SORCS1: variants seen among roughly 807,000 people sequenced by gnomAD.
SORCS1 encodes VPS10 domain-containing receptor SorCS1.
Under a neutral mutation model 146.1 loss-of-function variants are expected in SORCS1, and 60 were observed. That is an observed-to-expected ratio of 0.41 (90% CI 0.33 to 0.51). The LOEUF is 0.51. Among genes scored for constraint, SORCS1 ranks in the 20% least tolerant of loss-of-function variants. The pLI is 0.21. For synonymous variants in SORCS1, 637 were observed against 584.0 expected, an observed-to-expected ratio of 1.09 and a Z score of -1.31; for missense variants, 1,352 against 1,487.6, an observed-to-expected ratio of 0.91 and a Z score of 1.50.
chr10:107,065,444 TTTC>T (rs1208166653), intron 1 of SORCS1, among the ~76,000 whole-genome samples: 3 of 144,090 alleles, frequency 2.1e-5, no homozygotes, highest in African/African-American at 5.1e-5. Flanking sequence ...TCTTTCTTTC[TTTC>T]TTTTCTCTCT....
intron 1 of SORCS1, among the ~76,000 whole-genome samples, chr10:106,976,785 C>T (rs1473190672): frequency 6.6e-6 from 1 of 152,152 alleles, no homozygotes; most frequent in East Asian, 1.9e-4. Flanking sequence ...TGAGTGAGAA[C>T]ATGTGGTGTT....
intron 2 of SORCS1, among the ~76,000 whole-genome samples, chr10:106,943,816 T>G (rs1954175030): frequency 6.6e-6 from 1 of 151,788 alleles, no homozygotes; most frequent in Admixed American, 6.6e-5. Flanking sequence ...TCTCAAAAAA[T>G]TAATTAATTA....
At chr10:106,654,265 T>A (rs1402594670) in intron 17 of SORCS1, among the ~76,000 whole-genome samples, 3 of 152,220 alleles carry the variant, frequency 2.0e-5, no homozygotes, top group Non-Finnish European at 2.9e-5. Context: ...TTCAGAAGTA[T>A]CCATAATAAG....
intron 1 of SORCS1, among the ~76,000 whole-genome samples, chr10:107,113,689 CAAAA>C: frequency 2.0e-5 from 1 of 49,188 alleles, no homozygotes; most frequent in African/African-American, 6.7e-5. Flanking sequence ...GACTCCATCT[CAAAA>C]AAAAAAAAAA....
chr10:106,918,355 G>T (rs370662146), intron 2 of SORCS1, among the ~76,000 whole-genome samples: 1 of 152,090 alleles, frequency 6.6e-6, no homozygotes, highest in East Asian at 1.9e-4. Context: ...AGTAGAGATG[G>T]TGTTTCACCA....
At chr10:106,627,950 A>G (rs967087567) in intron 19 of SORCS1, among the ~76,000 whole-genome samples, 127 of 152,308 alleles carry the variant, frequency 8.3e-4, no homozygotes, top group African/African-American at 2.9e-3. Context: ...GAACCTCAAC[A>G]CTTTTTGTAA....
chr10:106,715,399 C>A (rs113007727), intron 6 of SORCS1, among the ~76,000 whole-genome samples: 2,080 of 152,304 alleles, frequency 0.014, 49 homozygotes, highest in African/African-American at 0.048. Context: ...CAATCCCCAT[C>A]CACCCAAAAC....
At chr10:107,089,150 T>C (rs1387893787) in intron 1 of SORCS1, among the ~76,000 whole-genome samples, 2 of 152,216 alleles carry the variant, frequency 1.3e-5, no homozygotes, top group African/African-American at 2.4e-5. Context: ...TTCATTTAAG[T>C]ATATGACAAA....
chr10:106,735,703 G>T (rs1554915278), intron 5 of SORCS1, among the ~76,000 whole-genome samples: 1 of 152,174 alleles, frequency 6.6e-6, no homozygotes, highest in Non-Finnish European at 1.5e-5. Context: ...TAGCAAAAGA[G>T]AACTGAAAAG....
intron 1 of SORCS1, among the ~76,000 whole-genome samples, chr10:106,976,660 C>G (rs1194668125): frequency 6.6e-6 from 1 of 152,126 alleles, no homozygotes; most frequent in Admixed American, 6.5e-5. Context: ...GCCGCACATG[C>G]ATTAGGTATT....
intron 2 of SORCS1, among the ~76,000 whole-genome samples, chr10:106,857,945 C>T (rs559170360): frequency 7.2e-5 from 11 of 152,300 alleles, no homozygotes; most frequent in African/African-American, 2.4e-4. Flanking sequence ...CCCCGAAATA[C>T]GTTTGCCTGT....
chr10:106,677,593 A>G (rs928398539), intron 12 of SORCS1, among the ~76,000 whole-genome samples, 189 bp from the exon 13 acceptor site: 1 of 152,222 alleles, frequency 6.6e-6, no homozygotes, highest in Admixed American at 6.5e-5. Context: ...GTGTTGTACA[A>G]AATAATTTTA....
chr10:106,577,096 G>T lies in SORCS1; in HGVS notation c.*324C>A. ...AGGCTTAAAGCTAAAAACCCTTGTTGTCTGTGTCTGAAGAATTAAAAAGTC... is the reference window on the plus strand; with the variant it reads ...AGGCTTAAAGCTAAAAACCCTTGTTTTCTGTGTCTGAAGAATTAAAAAGTC... On this transcript the variant is annotated 3_prime_UTR_variant, in exon 26 of 26. Coordinates refer to ENST00000263054, the MANE Select transcript of SORCS1 (RefSeq NM_052918.5). 1 of 781,202 alleles carries T rather than the reference G, an allele frequency of 1.3e-6. No individual in the cohort carries two copies. The highest frequency in any genetic ancestry group is 1.8e-6 in the Non-Finnish European group (1 of 554,934). 48.4% of individuals were successfully genotyped at this position (781,202 alleles called of 1,614,324 possible).
At chr10:106,828,052 C>T (rs576665470) in intron 3 of SORCS1, among the ~76,000 whole-genome samples, 3 of 152,318 alleles carry the variant, frequency 2.0e-5, no homozygotes, top group South Asian at 2.1e-4. Context: ...GTGCTAAGCA[C>T]CTGAAATGCC....
At chr10:107,090,155 C>T (rs751699383) in intron 1 of SORCS1, among the ~76,000 whole-genome samples, 3 of 152,216 alleles carry the variant, frequency 2.0e-5, no homozygotes, top group Non-Finnish European at 4.4e-5. Flanking sequence ...TCTTCCCACT[C>T]ATTCACGATT....
intron 7 of SORCS1, 106 bp from the exon 8 acceptor site, chr10:106,706,740 G>T: frequency 1.0e-6 from 1 of 982,658 alleles, no homozygotes; most frequent in South Asian, 1.4e-5. Context: ...ACAACAAATG[G>T]CATTAATGTC....
intron 23 of SORCS1, among the ~76,000 whole-genome samples, chr10:106,598,156 G>C (rs1846017228): frequency 6.6e-6 from 1 of 151,780 alleles, no homozygotes; most frequent in Non-Finnish European, 1.5e-5. Context: ...GTTTAGAGTA[G>C]AAAACCTAGC....
chr10:106,654,725 A>C (rs1194099627), intron 17 of SORCS1, among the ~76,000 whole-genome samples: 1 of 152,188 alleles, frequency 6.6e-6, no homozygotes, highest in Non-Finnish European at 1.5e-5. Flanking sequence ...TGCTTCTCAC[A>C]ATTAGGAAAC....
At chr10:106,933,874 A>C (rs1276386934) in intron 2 of SORCS1, among the ~76,000 whole-genome samples, 1 of 152,160 alleles carries the variant, frequency 6.6e-6, no homozygotes, top group Non-Finnish European at 1.5e-5. Context: ...CAGATGGATC[A>C]CCTGAGGTCA....
Sources: gnomAD v4.1 joint callset for allele counts (sites outside exome capture counted in the v4.1 genomes callset) on GRCh38, gnomAD v4.1.1 for gene constraint, MANE v1.5 for transcripts, NCBI Gene and HGNC (gene_info 2026-07-23, HGNC 2026-07-21) for gene names.